OLFML1: variants seen among roughly 807,000 people sequenced by gnomAD.
OLFML1 encodes olfactomedin-like protein 1.
In OLFML1, 33 loss-of-function variants were observed where a neutral mutation model predicts 37.3. The ratio of observed to expected loss-of-function variants is 0.88; its 90% CI spans 0.67 to 1.18. The LOEUF (loss-of-function observed/expected upper bound fraction) is 1.18, where lower values mean the gene tolerates loss of function less well. Ranked by LOEUF, OLFML1 falls within the 50% of genes most tolerant of loss-of-function variation. The pLI, the probability that OLFML1 is intolerant of heterozygous loss-of-function variation, is 0.00. For missense variants in OLFML1, 545 were observed against 483.7 expected (o/e 1.13, Z -1.19); for synonymous variants, 186 against 181.3 (o/e 1.03, Z -0.21).
chr11:7,494,272 G>C (rs1848635817), intron 2 of OLFML1, among the ~76,000 whole-genome samples: 1 of 152,238 alleles, frequency 6.6e-6, no homozygotes, highest in Non-Finnish European at 1.5e-5. Flanking sequence ...CCAGACATGA[G>C]CTAAGCTCCT....
Position 7,510,832 on chromosome 11 carries a change from C to T in OLFML1, c.*644C>T, listed in dbSNP as rs1848851313. Reference sequence around the variant, plus strand: ...AATACTATTTCTTATTGAGGTTTAACCTCTATTTCCCCTAGCCCTGTCCTT... The same window carrying T: ...AATACTATTTCTTATTGAGGTTTAATCTCTATTTCCCCTAGCCCTGTCCTT... On this transcript the variant is annotated 3_prime_UTR_variant, in exon 3 of 3. Coordinates refer to ENST00000329293, the MANE Select transcript of OLFML1 (RefSeq NM_198474.4). The T allele has an allele frequency of 6.6e-6, 1 of 152,192 alleles. No homozygotes were observed. The highest frequency in any genetic ancestry group is 1.5e-5 in the Non-Finnish European group (1 of 68,062). The allele number at this position is 152,192 out of a possible 1,614,324, so 9.4% of individuals were successfully genotyped here. A position where few individuals can be genotyped will look rare whatever the true frequency, so the allele number is the denominator to read the frequency against.
chr11:7,486,377 TA>T, intron 1 of OLFML1, among the ~76,000 whole-genome samples: 1 of 152,362 alleles, frequency 6.6e-6, no homozygotes, highest in East Asian at 1.9e-4. Flanking sequence ...TTTTTTAAAA[TA>T]TGAAACTTAA....
chr11:7,499,287 C>G (rs1007683144), intron 2 of OLFML1, among the ~76,000 whole-genome samples: 6 of 152,182 alleles, frequency 3.9e-5, no homozygotes, highest in African/African-American at 1.4e-4. Flanking sequence ...GCCAGGGAAA[C>G]CTTGCATGTC....
rs368379209 is a variant in OLFML1 at position 7,509,393 on chromosome 11, G to C, written c.419-5G>C. The C allele has an allele frequency of 6.9e-6, 11 of 1,586,650 alleles. No individual in the cohort carries two copies. In the East Asian group the frequency reaches 9.0e-5, roughly 13 times the overall value. On this transcript the variant is annotated splice_polypyrimidine_tract_variant and splice_region_variant and intron_variant, in intron 2 of 2. Transcript: ENST00000329293. ...TAATCTCTCCTTTTTCTCCTGTTTG[G>C]CCAGGCTGTGACAACATGCTGATGG...
intron 2 of OLFML1, among the ~76,000 whole-genome samples, chr11:7,496,014 G>A (rs1172721463): frequency 1.3e-5 from 2 of 152,216 alleles, no homozygotes; most frequent in African/African-American, 4.8e-5. Flanking sequence ...CCTAAACTTA[G>A]TGGGTTCAAA....
At chr11:7,489,007 A>G (rs1189874147) in intron 2 of OLFML1, 5 of 152,258 alleles carry the variant, frequency 3.3e-5, no homozygotes, top group Admixed American at 2.6e-4. Flanking sequence ...CAATAAACAC[A>G]CAAATGACAA....
At chr11:7,502,611 CTT>C (rs1008493628) in intron 2 of OLFML1, among the ~76,000 whole-genome samples, 1 of 145,846 alleles carries the variant, frequency 6.9e-6, no homozygotes. Flanking sequence ...CTTTTTTTTG[CTT>C]TTTTTTTTTC....
intron 2 of OLFML1, among the ~76,000 whole-genome samples, chr11:7,501,258 C>A (rs1448111928): frequency 1.3e-5 from 2 of 152,238 alleles, no homozygotes; most frequent in East Asian, 1.9e-4. Flanking sequence ...CCATCCTACA[C>A]TGCAGCCTAT....
At chr11:7,499,531 AT>A (rs1282096050) in intron 2 of OLFML1, among the ~76,000 whole-genome samples, 2 of 152,254 alleles carry the variant, frequency 1.3e-5, no homozygotes, top group Non-Finnish European at 2.9e-5. Context: ...TGTAGAGAGC[AT>A]CCAACCTAAA....
At position 7,488,441 on chromosome 11, in the gene OLFML1, C is replaced by G. The variant is rs1228551209; in HGVS notation, c.418+26C>G. 2.5e-6 allele frequency: 4 copies of G among 1,573,926 alleles called. No homozygotes were observed. In the South Asian group the frequency reaches 4.6e-5, roughly 18 times the overall value. On this transcript the variant is annotated intron_variant, in intron 2 of 2. Coordinates refer to ENST00000329293, the MANE Select transcript of OLFML1 (RefSeq NM_198474.4). ...GTAAGAAAACTGCATCTTTTCCTAG[C>G]CCTTCTAGGGACTATTATGCTCAGA...
At chr11:7,495,464 T>C (rs1564920597) in intron 2 of OLFML1, among the ~76,000 whole-genome samples, 1 of 152,192 alleles carries the variant, frequency 6.6e-6, no homozygotes, top group Non-Finnish European at 1.5e-5. Context: ...ATCCGCTATA[T>C]GTGTTGTGCT....
chr11:7,510,747 TC>T lies in OLFML1; in HGVS notation c.*561del, dbSNP rs1169732547. On this transcript the variant is annotated 3_prime_UTR_variant, in exon 3 of 3. Coordinates refer to ENST00000329293, the MANE Select transcript of OLFML1 (RefSeq NM_198474.4). Reference sequence around the variant, plus strand: ...TCAAACTCCAGAGCTCAAGAGATCCTCCTGCCTCAGCCTCCTAAGTACCTGG... The same window carrying T: ...TCAAACTCCAGAGCTCAAGAGATCCTCTGCCTCAGCCTCCTAAGTACCTGG... 8 of 152,410 alleles carry T rather than the reference TC, an allele frequency of 5.2e-5. No individual in the cohort carries two copies. Among genetic ancestry groups the T allele is most frequent in the African/African-American group, 1.9e-4 (8 of 41,454 alleles). The allele number at this position is 152,410 out of a possible 1,614,324, so 9.4% of individuals were successfully genotyped here. A position where few individuals can be genotyped will look rare whatever the true frequency, so the allele number is the denominator to read the frequency against.
In OLFML1 at chr11:7,509,849, C is replaced by G. The variant is rs1432765136; in HGVS notation, c.870C>G (p.Ser290Arg). 6.2e-7 allele frequency: 1 copy of G among 1,614,088 alleles called. No individual in the cohort carries two copies. The highest frequency in any genetic ancestry group is 1.3e-5 in the African/African-American group (1 of 74,932). ...TCCACTCTGGGCCAGGCACCCATAG[C>G]CATTTGGTTCTCACAAAGATTGAGC... The part of the protein sequence containing the change: ...WAIHSGPGTH[S>R]HLVLTKIEPG... The change falls in exon 3 of 3, where the codon AGC becomes AGG. Residue 290 changes from serine to arginine, a missense_variant. Transcript: ENST00000329293.
chr11:7,510,344 G>T lies in OLFML1; in HGVS notation c.*156G>T. 1 of 635,428 alleles carries T rather than the reference G, an allele frequency of 1.6e-6. No individual in the cohort carries two copies. The highest frequency in any genetic ancestry group is 2.1e-5 in the South Asian group (1 of 48,132). The allele number at this position is 635,428 out of a possible 1,614,324, so 39.4% of individuals were successfully genotyped here. ...TATGCCTCCTTTCCCAAATGTCACTGCCTTAGGTATCTTCCAAGAGCTTAG... is the reference window on the plus strand; with the variant it reads ...TATGCCTCCTTTCCCAAATGTCACTTCCTTAGGTATCTTCCAAGAGCTTAG... On this transcript the variant is annotated 3_prime_UTR_variant, in exon 3 of 3. Coordinates refer to ENST00000329293, the MANE Select transcript of OLFML1 (RefSeq NM_198474.4).
chr11:7,495,562 T>A (rs2134179786), intron 2 of OLFML1, among the ~76,000 whole-genome samples: 1 of 152,290 alleles, frequency 6.6e-6, no homozygotes, highest in Non-Finnish European at 1.5e-5. Context: ...CTGCTGCCTA[T>A]CCCTATCTGT....
chr11:7,502,386 A>G lies in OLFML1; in HGVS notation c.419-7012A>G, dbSNP rs1022137947. ...GAAAGGGTTTAGCCAGGCTAGTCAC[A>G]TAATTTATGTTTTCAAACAGATCAC... is the stretch of plus-strand genomic sequence containing the variant. On this transcript the variant is annotated intron_variant, in intron 2 of 2. Transcript: ENST00000329293. Among the ~76,000 whole-genome samples, 4 of 152,234 alleles carry G rather than the reference A, an allele frequency of 2.6e-5. No homozygotes were observed. In the East Asian group the frequency reaches 7.7e-4, roughly 29 times the overall value.
intron 2 of OLFML1, among the ~76,000 whole-genome samples, chr11:7,497,924 C>T (rs1442595801): frequency 1.3e-5 from 2 of 152,152 alleles, no homozygotes; most frequent in African/African-American, 4.8e-5. Flanking sequence ...TTATACAGTT[C>T]CTGTTTTCCT....
At chr11:7,498,238 A>G (rs569156736) in intron 2 of OLFML1, among the ~76,000 whole-genome samples, 1 of 152,248 alleles carries the variant, frequency 6.6e-6, no homozygotes, top group Non-Finnish European at 1.5e-5. Context: ...CTTTAGGCAG[A>G]TGAGAATGAC....
chr11:7,506,715 G>C (rs1208566139), intron 2 of OLFML1, among the ~76,000 whole-genome samples: 2 of 152,182 alleles, frequency 1.3e-5, no homozygotes, highest in East Asian at 3.8e-4. Flanking sequence ...CCTAGGCCAG[G>C]GACTTGTGTT....
Sources: gnomAD v4.1 joint callset for allele counts (sites outside exome capture counted in the v4.1 genomes callset) on GRCh38, gnomAD v4.1.1 for gene constraint, MANE v1.5 for transcripts, NCBI Gene and HGNC (gene_info 2026-07-23, HGNC 2026-07-21) for gene names.